Variants in PPP2R1A observed in about 807,000 individuals in gnomAD.
The protein encoded by PPP2R1A is serine/threonine-protein phosphatase 2A 65 kDa regulatory subunit A alpha isoform.
PPP2R1A carries 15 observed loss-of-function variants against 67.1 expected under a neutral mutation model. That is an observed-to-expected ratio of 0.22 (90% confidence interval 0.15 to 0.34). PPP2R1A has a LOEUF of 0.34. Ranked by LOEUF, PPP2R1A falls within the 10% of genes least tolerant of loss-of-function variation. PPP2R1A has a pLI of 1.00. For missense variants in PPP2R1A, 369 were observed against 775.0 expected (o/e 0.48, Z 6.22); for synonymous variants, 337 against 325.0 (o/e 1.04, Z -0.40).
Position 52,211,548 on chromosome 19 carries a change from T to G in PPP2R1A, c.503+56T>G. 3 of 1,536,590 alleles carry G rather than the reference T, an allele frequency of 2.0e-6. No individual in the cohort carries two copies. Among genetic ancestry groups the G allele is most frequent in the African/African-American group, 2.7e-5 (2 of 73,030 alleles). The stretch of plus-strand genomic sequence containing the variant: ...CTCCCATCTCAGCTCCAACCTTCTC[T>G]AAAGCCTCAGACTCCTTTTGGTCTA... On this transcript the variant is annotated intron_variant, in intron 4 of 14. Transcript: ENST00000322088. The surrounding 1 kb of genome is among the most constrained non-coding windows in gnomAD (Gnocchi z 5.3).
In PPP2R1A at chr19:52,212,821, C is replaced by T. The variant is rs2122335990; in HGVS notation, c.639C>T (p.Ala213=). 6.2e-7 allele frequency: 1 copy of T among 1,602,406 alleles called. No individual in the cohort carries two copies. The highest frequency in any genetic ancestry group is 1.1e-5 in the South Asian group (1 of 89,810). The part of the protein sequence containing the change: ...SEIIPMFSNL[A]SDEQDSVRLL... ...TCATCCCCATGTTCTCCAACCTGGC[C>T]TCTGACGAGCAGGTGAGTTTTGCTT... Residue 213 remains alanine (A), a synonymous_variant, in exon 5 of 15, where the codon GCC becomes GCT. Transcript: ENST00000322088. The surrounding 1 kb of genome is among the most constrained non-coding windows in gnomAD (Gnocchi z 4.1).
chr19:52,210,324 C>G lies in PPP2R1A; in HGVS notation c.271-936C>G, dbSNP rs78785446. Among the ~76,000 whole-genome samples the G allele has an allele frequency of 4.6e-5, 7 of 152,076 alleles. No individual in the cohort carries two copies. In the South Asian group the frequency reaches 1.5e-3, roughly 32 times the overall value. The stretch of plus-strand genomic sequence containing the variant: ...ATTCTAGGCCCACAGTAACAACCAG[C>G]GAGCAGTCCCGAGCCCCATAGTCCC... On this transcript the variant is annotated intron_variant, in intron 3 of 14. Transcript: ENST00000322088.
intron 13 of PPP2R1A, among the ~76,000 whole-genome samples, 199 bp from the exon 14 acceptor site, chr19:52,225,518 T>C (rs1334383672): frequency 6.6e-6 from 1 of 152,206 alleles, no homozygotes; most frequent in Non-Finnish European, 1.5e-5. Context: ...AATGTTATTA[T>C]TAACTATGGT....
At chr19:52,225,653 C>G (rs1979208497) in intron 13 of PPP2R1A, 64 bp from the exon 14 acceptor site, 1 of 1,478,416 alleles carries the variant, frequency 6.8e-7, no homozygotes, top group East Asian at 2.3e-5. Flanking sequence ...GAGCCCTGTG[C>G]CCACCTGTTG....
intron 1 of PPP2R1A, chr19:52,201,028 C>T (rs891425660): frequency 2.6e-5 from 4 of 151,550 alleles, no homozygotes; most frequent in Non-Finnish European, 5.9e-5. Flanking sequence ...ATGTGCACGT[C>T]ACTGGATTCA....
In PPP2R1A at chr19:52,199,412, G is replaced by A. The variant is rs561672931; in HGVS notation, c.79-2532G>A. ...TCTCGATCTCCTAACCTCATGATCCGCCTGCCTCGGCCTCCCAAGGTGCTG... is the reference window on the plus strand; with the variant it reads ...TCTCGATCTCCTAACCTCATGATCCACCTGCCTCGGCCTCCCAAGGTGCTG... On this transcript the variant is annotated intron_variant, in intron 1 of 14. Coordinates refer to ENST00000322088, the MANE Select transcript of PPP2R1A (RefSeq NM_014225.6). Among the ~76,000 whole-genome samples the A allele has an allele frequency of 7.9e-5, 12 of 151,880 alleles. No individual in the cohort carries two copies. The East Asian group carries it at 1.2e-3, about 15-fold the overall frequency.
chr19:52,208,169 T>C (rs2089624342), intron 3 of PPP2R1A, among the ~76,000 whole-genome samples: 1 of 152,100 alleles, frequency 6.6e-6, no homozygotes, highest in African/African-American at 2.4e-5. Context: ...TTTTTTTGTT[T>C]GTTTTGTTTT....
intron 13 of PPP2R1A, 172 bp downstream of exon 13, chr19:52,222,413 A>T (rs1038514546): frequency 1.0e-6 from 1 of 969,416 alleles, no homozygotes; most frequent in African/African-American, 1.7e-5. Context: ...TAAAATGAAC[A>T]TCACAGCATG....
At position 52,207,427 on chromosome 19, in the gene PPP2R1A, G is replaced by C. The variant is rs552552974; in HGVS notation, c.270+1364G>C. Among the ~76,000 whole-genome samples the C allele has an allele frequency of 1.7e-4, 26 of 152,334 alleles. 1 individual carries two copies. The South Asian group carries it at 4.3e-3, about 25-fold the overall frequency. On this transcript the variant is annotated intron_variant, in intron 3 of 14. Coordinates refer to ENST00000322088, the MANE Select transcript of PPP2R1A (RefSeq NM_014225.6). Reference sequence around the variant, plus strand: ...ACTGAGGTTGGGACTCAGGCTTGCTGTGGAGCTGGGCTGGGACCCAGGGAT... The same window carrying C: ...ACTGAGGTTGGGACTCAGGCTTGCTCTGGAGCTGGGCTGGGACCCAGGGAT...
chr19:52,211,643 C>T lies in PPP2R1A; in HGVS notation c.503+151C>T, dbSNP rs1172863842. The T allele has an allele frequency of 3.9e-6, 3 of 766,234 alleles. No homozygotes were observed. The highest frequency in any genetic ancestry group is 2.9e-5 in the Admixed American group (1 of 34,288). 47.5% of individuals were successfully genotyped at this position (766,234 alleles called of 1,614,324 possible). On this transcript the variant is annotated intron_variant, in intron 4 of 14. Transcript: ENST00000322088. This position sits in a 1 kb window ranked among gnomAD's most constrained non-coding sequence, Gnocchi z 5.3. ...CTTACCACCTGATAGGCCACATCCT[C>T]GAGAGTTGGTCTCTGGACACGGCCA...
In PPP2R1A at chr19:52,212,538, G is replaced by C; in HGVS notation, c.504-148G>C. The C allele has an allele frequency of 1.0e-6, 1 of 953,354 alleles. No homozygotes were observed. The highest frequency in any genetic ancestry group is 1.5e-6 in the Non-Finnish European group (1 of 653,058). 59.1% of individuals were successfully genotyped at this position (953,354 alleles called of 1,614,324 possible). ...GGTAGGTACTGTTACTATCAGCTCC[G>C]TTTCATAGGGCTGGGAAGACAGAGA... On this transcript the variant is annotated intron_variant, in intron 4 of 14. Coordinates refer to ENST00000322088, the MANE Select transcript of PPP2R1A (RefSeq NM_014225.6). This position sits in a 1 kb window ranked among gnomAD's most constrained non-coding sequence, Gnocchi z 4.1.
intron 1 of PPP2R1A, among the ~76,000 whole-genome samples, chr19:52,190,468 G>A (rs1470872316): frequency 6.6e-6 from 1 of 152,220 alleles, no homozygotes; most frequent in Non-Finnish European, 1.5e-5. Context: ...TCTGCGGACT[G>A]GGTCTGGGAG....
chr19:52,222,140 C>T lies in PPP2R1A; in HGVS notation c.1560C>T (p.His520=), dbSNP rs2122369467. ...GTGGGCAGGACATCACCACCAAGCA[C>T]ATGCTACCCACGGTTCTGCGCATGG... is the stretch of plus-strand genomic sequence containing the variant. ...EVCGQDITTK[H]MLPTVLRMAG... is the part of the protein sequence containing the mutation. The change falls in exon 13 of 15, where the codon CAC becomes CAT. Residue 520 remains histidine, a synonymous_variant. Transcript: ENST00000322088. 1.2e-6 allele frequency: 2 copies of T among 1,614,082 alleles called. No individual in the cohort carries two copies. Among genetic ancestry groups the T allele is most frequent in the Non-Finnish European group, 1.7e-6 (2 of 1,179,982 alleles).
At chr19:52,199,140 C>T (rs1175724712) in intron 1 of PPP2R1A, among the ~76,000 whole-genome samples, 1 of 152,040 alleles carries the variant, frequency 6.6e-6, no homozygotes, top group African/African-American at 2.4e-5. Flanking sequence ...GGTCAATACT[C>T]CCCACAGTAT....
rs1404799213 is a variant in PPP2R1A at position 52,212,614 on chromosome 19, A to G, written c.504-72A>G. ...TTCAGCTAAAACCTGGACCCACACA[A>G]CTGCAGAGTCTGTGCTTGCTCCTCT... On this transcript the variant is annotated intron_variant, in intron 4 of 14. Transcript: ENST00000322088. The surrounding 1 kb of genome is among the most constrained non-coding windows in gnomAD (Gnocchi z 4.1). 2 of 1,561,302 alleles carry G rather than the reference A, an allele frequency of 1.3e-6. No individual in the cohort carries two copies. Among genetic ancestry groups the G allele is most frequent in the African/African-American group, 2.7e-5 (2 of 73,966 alleles).
Position 52,219,222 on chromosome 19 carries a change from G to A in PPP2R1A, c.1129-469G>A, listed in dbSNP as rs1036505389. On this transcript the variant is annotated intron_variant, in intron 9 of 14. Coordinates refer to ENST00000322088, the MANE Select transcript of PPP2R1A (RefSeq NM_014225.6). The surrounding 1 kb of genome is among the most constrained non-coding windows in gnomAD (Gnocchi z 4.0). ...TCAACAGCCCAAGCCTGCCAGGCTT[G>A]TTCACTTGGTTATTGATTCATTTCA... Among the ~76,000 whole-genome samples, 1 of 152,118 alleles carries A rather than the reference G, an allele frequency of 6.6e-6. No individual in the cohort carries two copies. Among genetic ancestry groups the A allele is most frequent in the South Asian group, 2.1e-4 (1 of 4,832 alleles).
At chr19:52,197,081 T>C (rs913651977) in intron 1 of PPP2R1A, among the ~76,000 whole-genome samples, 2 of 152,224 alleles carry the variant, frequency 1.3e-5, no homozygotes, top group African/African-American at 4.8e-5. Flanking sequence ...TTGGGGATCA[T>C]CTGCAATTCC....
chr19:52,192,163 T>G (rs958489515), intron 1 of PPP2R1A, among the ~76,000 whole-genome samples: 11 of 151,892 alleles, frequency 7.2e-5, no homozygotes, highest in Non-Finnish European at 1.3e-4. Context: ...GCACAGCAAG[T>G]ACAAAGTGGG....
At chr19:52,198,402 A>C (rs1168410522) in intron 1 of PPP2R1A, among the ~76,000 whole-genome samples, 1 of 151,876 alleles carries the variant, frequency 6.6e-6, no homozygotes, top group East Asian at 1.9e-4. Flanking sequence ...TCATGGGCCC[A>C]CCTCTTGGGC....
Sources: gnomAD v4.1 joint callset for allele counts (sites outside exome capture counted in the v4.1 genomes callset) on GRCh38, gnomAD v4.1.1 for gene constraint, Gnocchi (gnomAD v3.1) non-coding constraint, MANE v1.5 for transcripts, NCBI Gene and HGNC (gene_info 2026-07-23, HGNC 2026-07-21) for gene names.